Variants in AFAP1L2 observed in about 807,000 individuals in gnomAD.
AFAP1L2 encodes actin filament-associated protein 1-like 2.
A neutral mutation model predicts 99.3 loss-of-function variants in AFAP1L2; 46 were observed. That is an observed-to-expected ratio of 0.46 (90% CI 0.37 to 0.59). The LOEUF is 0.59. AFAP1L2 is among the 20% of genes least tolerant of loss of function. AFAP1L2 has a pLI of 0.00. For missense variants in AFAP1L2, 959 were observed against 1,034.9 expected, an observed-to-expected ratio of 0.93 and a Z score of 1.01; for synonymous variants, 397 against 419.1, an observed-to-expected ratio of 0.95 and a Z score of 0.64.
chr10:114,379,273 G>C (rs1026988187), intron 1 of AFAP1L2, among the ~76,000 whole-genome samples: 1 of 151,516 alleles, frequency 6.6e-6, no homozygotes, highest in Non-Finnish European at 1.5e-5. Flanking sequence ...GTCTGGATCA[G>C]AGAGCCCCAG....
At chr10:114,302,556 C>T in intron 11 of AFAP1L2, 72 bp from the exon 12 acceptor site, 2 of 1,590,572 alleles carry the variant, frequency 1.3e-6, no homozygotes, top group African/African-American at 2.7e-5. Flanking sequence ...CCCCACCAGG[C>T]CATGACCGTA....
chr10:114,343,711 G>A (rs1426200923), intron 1 of AFAP1L2, among the ~76,000 whole-genome samples: 1 of 152,188 alleles, frequency 6.6e-6, no homozygotes, highest in Non-Finnish European at 1.5e-5. Flanking sequence ...ATCACTAGAG[G>A]TTGCACCTGG....
chr10:114,345,329 T>C (rs1052061391), intron 1 of AFAP1L2, among the ~76,000 whole-genome samples: 20 of 152,266 alleles, frequency 1.3e-4, no homozygotes, highest in Middle Eastern at 3.4e-3. Context: ...CAGAAGTTGG[T>C]GCCTTATTCT....
At chr10:114,381,570 G>A (rs1386202872) in intron 1 of AFAP1L2, among the ~76,000 whole-genome samples, 1 of 152,092 alleles carries the variant, frequency 6.6e-6, no homozygotes, top group Non-Finnish European at 1.5e-5. Context: ...CAATAAAGCT[G>A]TTTTTTAAAA....
chr10:114,350,638 C>T (rs756989014), intron 1 of AFAP1L2, among the ~76,000 whole-genome samples: 43 of 152,274 alleles, frequency 2.8e-4, no homozygotes, highest in Non-Finnish European at 4.9e-4. Flanking sequence ...TAAAACGAGC[C>T]ACCAGAGGCA....
intron 1 of AFAP1L2, among the ~76,000 whole-genome samples, chr10:114,369,082 A>AT (rs1373009682): frequency 6.6e-6 from 1 of 152,114 alleles, no homozygotes; most frequent in Non-Finnish European, 1.5e-5. Context: ...CAATTATGAG[A>AT]TTTTTTTGGG....
At chr10:114,306,859 A>C (rs1729952222) in intron 10 of AFAP1L2, among the ~76,000 whole-genome samples, 1 of 152,146 alleles carries the variant, frequency 6.6e-6, no homozygotes, top group Non-Finnish European at 1.5e-5. Context: ...CAGGCCAAAC[A>C]TCATGCCCCC....
intron 1 of AFAP1L2, among the ~76,000 whole-genome samples, chr10:114,341,061 T>C (rs2048751204): frequency 6.6e-6 from 1 of 152,250 alleles, no homozygotes; most frequent in South Asian, 2.1e-4. Flanking sequence ...CACAGGGCTC[T>C]TGTGAAAACT....
At chr10:114,404,327 G>A (rs1054161882) in intron 1 of AFAP1L2, 113 bp downstream of exon 1, 3 of 1,217,806 alleles carry the variant, frequency 2.5e-6, no homozygotes, top group East Asian at 2.5e-5. Flanking sequence ...GCTGGGTGGG[G>A]GCAGTGGGCT....
In AFAP1L2 at chr10:114,297,017, G is replaced by T. The variant is rs150322336; in HGVS notation, c.2391C>A (p.Val797=). 1.9e-6 allele frequency: 3 copies of T among 1,613,960 alleles called. No individual in the cohort carries two copies. Among genetic ancestry groups the T allele is most frequent in the Non-Finnish European group, 2.5e-6 (3 of 1,180,040 alleles). The change falls in exon 18 of 19, where the codon GTC becomes GTA. Residue 797 remains valine, a synonymous_variant. Coordinates refer to ENST00000304129, the MANE Select transcript of AFAP1L2 (RefSeq NM_001001936.3). Reference sequence around the variant, plus strand: ...GTACAGTGCCTTTGCCTGTGACCACGACCGAGAGAGGCCTGTTCTTGAGTG... The same window carrying T: ...GTACAGTGCCTTTGCCTGTGACCACTACCGAGAGAGGCCTGTTCTTGAGTG... ...ATTLKNRPLS[V]VVTGKGTVLQ...
At chr10:114,342,723 G>A (rs1027571352) in intron 1 of AFAP1L2, among the ~76,000 whole-genome samples, 1 of 152,192 alleles carries the variant, frequency 6.6e-6, no homozygotes, top group Non-Finnish European at 1.5e-5. Flanking sequence ...GCCTCCAGGA[G>A]CCCTGTGGCC....
chr10:114,348,818 C>A (rs2049999809), intron 1 of AFAP1L2, among the ~76,000 whole-genome samples: 1 of 152,220 alleles, frequency 6.6e-6, no homozygotes, highest in East Asian at 1.9e-4. Flanking sequence ...TGACCTGGGG[C>A]AGCACTTTTC....
chr10:114,332,582 G>A (rs2047397674), intron 3 of AFAP1L2, among the ~76,000 whole-genome samples: 1 of 152,206 alleles, frequency 6.6e-6, no homozygotes, highest in African/African-American at 2.4e-5. Flanking sequence ...TTAAGTCACA[G>A]GCTTGGAAGT....
intron 1 of AFAP1L2, among the ~76,000 whole-genome samples, chr10:114,355,441 C>A (rs1488196059): frequency 1.3e-5 from 2 of 151,958 alleles, no homozygotes; most frequent in African/African-American, 4.8e-5. Flanking sequence ...CCCTGTGCGA[C>A]TCTCCATGGT....
downstream of AFAP1L2, among the ~76,000 whole-genome samples, chr10:114,293,730 T>A (rs1404617283): frequency 6.6e-6 from 1 of 152,236 alleles, no homozygotes; most frequent in Non-Finnish European, 1.5e-5. Flanking sequence ...CTGATTCCAG[T>A]CATCTTGTTG....
At chr10:114,309,167 A>G (rs1387637081) in intron 8 of AFAP1L2, among the ~76,000 whole-genome samples, 1 of 152,240 alleles carries the variant, frequency 6.6e-6, no homozygotes, top group African/African-American at 2.4e-5. Context: ...CTCCCAAGCA[A>G]CAGGACCGGC....
intron 12 of AFAP1L2, chr10:114,302,004 T>G: frequency 3.3e-6 from 1 of 301,112 alleles, no homozygotes; most frequent in Non-Finnish European, 6.3e-6. Flanking sequence ...CTCCAGGGTG[T>G]GCTGGAGACC....
At chr10:114,344,073 A>G (rs1049849157) in intron 1 of AFAP1L2, among the ~76,000 whole-genome samples, 2 of 152,236 alleles carry the variant, frequency 1.3e-5, no homozygotes, top group African/African-American at 4.8e-5. Flanking sequence ...GAGAGCCCTG[A>G]TGGTCTGCAA....
chr10:114,381,297 A>G (rs1320076807), intron 1 of AFAP1L2, among the ~76,000 whole-genome samples: 1 of 152,224 alleles, frequency 6.6e-6, no homozygotes, highest in African/African-American at 2.4e-5. Flanking sequence ...TACATAGCAT[A>G]TGATTCCATT....
Sources: gnomAD v4.1 joint callset for allele counts (sites outside exome capture counted in the v4.1 genomes callset) on GRCh38, gnomAD v4.1.1 for gene constraint, MANE v1.5 for transcripts, NCBI Gene and HGNC (gene_info 2026-07-23, HGNC 2026-07-21) for gene names.